The following LMBR1 variants were observed in gnomAD, a reference collection of about 807,000 sequenced individuals.
LMBR1 encodes the protein limb region 1 protein homolog.
Under a neutral mutation model 73.9 loss-of-function variants are expected in LMBR1, and 52 were observed. The ratio of observed to expected loss-of-function variants is 0.70; its 90% CI spans 0.56 to 0.89. The LOEUF is 0.89. Ranked by LOEUF, LMBR1 falls within the 40% of genes least tolerant of loss-of-function variation. LMBR1 has a pLI of 0.00. For missense variants in LMBR1, 539 were observed against 579.8 expected, an observed-to-expected ratio of 0.93 and a Z score of 0.72; for synonymous variants, 215 against 209.4, an observed-to-expected ratio of 1.03 and a Z score of -0.23.
chr7:156,725,170 A>G lies in LMBR1; in HGVS notation c.1158+265T>C, dbSNP rs373346417. On this transcript the variant is annotated intron_variant, in intron 14 of 16. Coordinates refer to ENST00000353442, the MANE Select transcript of LMBR1 (RefSeq NM_022458.4). Reference sequence around the variant, plus strand: ...TTAGCAATACGTTTTCTTTAGAGGAAAAAGAGTCCTTTCAGGAGCCTTCTA... The same window carrying G: ...TTAGCAATACGTTTTCTTTAGAGGAGAAAGAGTCCTTTCAGGAGCCTTCTA... Among the ~76,000 whole-genome samples, 91 of 152,314 alleles carry G rather than the reference A, an allele frequency of 6.0e-4. 1 individual carries two copies. In the South Asian group the frequency reaches 0.018, roughly 30 times the overall value.
At chr7:156,825,124 A>ATATT (rs1563459890) in intron 4 of LMBR1, among the ~76,000 whole-genome samples, 2 of 151,738 alleles carry the variant, frequency 1.3e-5, no homozygotes, top group African/African-American at 4.8e-5. Flanking sequence ...TCTGATATAT[A>ATATT]TTTAAGTCAA....
intron 1 of LMBR1, among the ~76,000 whole-genome samples, chr7:156,853,256 T>C (rs1174933172): frequency 6.6e-6 from 1 of 152,154 alleles, no homozygotes; most frequent in Non-Finnish European, 1.5e-5. Context: ...CTTCATTTTT[T>C]ATTGTAAGTT....
rs1805393865 is a variant in LMBR1, at chr7:156,683,444, C to A, written c.*634G>T. On this transcript the variant is annotated 3_prime_UTR_variant, in exon 17 of 17. Transcript: ENST00000353442. ...ATATTCCTGTGGCTCTCTAAGGCTC[C>A]AGGTTTAAAAGAATTTAGTATTTTC... is the stretch of plus-strand genomic sequence containing the variant. The A allele has an allele frequency of 6.6e-6, 1 of 152,570 alleles. No individual in the cohort carries two copies. Among genetic ancestry groups the A allele is most frequent in the South Asian group, 2.1e-4 (1 of 4,828 alleles). The allele number at this position is 152,570 out of a possible 1,614,324, so 9.5% of individuals were successfully genotyped here. A position where few individuals can be genotyped will look rare whatever the true frequency, so the allele number is the denominator to read the frequency against.
At chr7:156,844,646 C>G (rs370077710) in intron 1 of LMBR1, among the ~76,000 whole-genome samples, 1 of 150,406 alleles carries the variant, frequency 6.6e-6, no homozygotes, top group African/African-American at 2.4e-5. Flanking sequence ...GGGCTCTATT[C>G]TGGCATCTTG....
At chr7:156,818,446 G>A (rs1330708830) in intron 4 of LMBR1, among the ~76,000 whole-genome samples, 2 of 152,040 alleles carry the variant, frequency 1.3e-5, no homozygotes, top group African/African-American at 4.8e-5. Flanking sequence ...GCCAAAATTG[G>A]GCCCCACTGG....
At chr7:156,871,155 A>G (rs1382081773) in intron 1 of LMBR1, among the ~76,000 whole-genome samples, 7 of 152,184 alleles carry the variant, frequency 4.6e-5, no homozygotes, top group African/African-American at 1.7e-4. Flanking sequence ...AGACTACTAA[A>G]AACAGCCATA....
downstream of LMBR1, chr7:156,676,109 T>C: frequency 2.4e-6 from 2 of 818,884 alleles, no homozygotes; most frequent in Non-Finnish European, 3.7e-6. Context: ...GTGGTAGGAC[T>C]TTCCTCATGG....
chr7:156,837,790 T>G (rs1837928982), intron 1 of LMBR1, among the ~76,000 whole-genome samples: 1 of 150,736 alleles, frequency 6.6e-6, no homozygotes, highest in South Asian at 2.1e-4. Flanking sequence ...ATTTTGCTTT[T>G]TTTTTTTTTT....
rs1341592475 is a variant in LMBR1, at chr7:156,856,348, A to C, written c.67-19463T>G. 2.0e-5 allele frequency among the ~76,000 whole-genome samples: 3 copies of C among 152,202 alleles called. No homozygotes were observed. In the East Asian group the frequency reaches 5.8e-4, roughly 29 times the overall value. On this transcript the variant is annotated intron_variant, in intron 1 of 16. Coordinates refer to ENST00000353442, the MANE Select transcript of LMBR1 (RefSeq NM_022458.4). ...TTTTTACTGGAGGCACAGGTGGCTT[A>C]GCAAGAAATTTTAAAAGATCTTCAT...
intron 15 of LMBR1, among the ~76,000 whole-genome samples, chr7:156,697,648 A>T (rs1375678255): frequency 1.3e-5 from 2 of 152,236 alleles, no homozygotes; most frequent in Non-Finnish European, 2.9e-5. Context: ...TCTCTGCAAG[A>T]AGAAAAACAT....
chr7:156,728,542 T>C, intron 11 of LMBR1, 102 bp downstream of exon 11: 2 of 757,266 alleles, frequency 2.6e-6, no homozygotes, highest in Non-Finnish European at 4.3e-6. Flanking sequence ...GATAGAAAAC[T>C]AGTTTATGAA....
chr7:156,855,667 A>C (rs1242919589), intron 1 of LMBR1, among the ~76,000 whole-genome samples: 1 of 31,664 alleles, frequency 3.2e-5, no homozygotes, highest in South Asian at 7.8e-4. Context: ...ACGTAAATAC[A>C]AAAAAAAAAA....
intron 1 of LMBR1, among the ~76,000 whole-genome samples, chr7:156,863,879 G>A (rs963270055): frequency 2.0e-5 from 3 of 152,142 alleles, no homozygotes; most frequent in East Asian, 1.9e-4. Flanking sequence ...ACCAGGCGTG[G>A]TAGCTCACAC....
In LMBR1 at chr7:156,756,501, G is replaced by A. The variant is rs17571054; in HGVS notation, c.685-36C>T. 76,028 of 986,038 alleles carry A rather than the reference G, an allele frequency of 0.077. 3,566 individuals are homozygous for A. Among genetic ancestry groups the A allele is most frequent in the Non-Finnish European group, 0.094 (59,870 of 634,968 alleles). The allele number at this position is 986,038 out of a possible 1,614,324, so 61.1% of individuals were successfully genotyped here. A position where few individuals can be genotyped will look rare whatever the true frequency, so the allele number is the denominator to read the frequency against. ...AGATAAAACTATTCAATAATTCAAC[G>A]TTATAAAACGAATGCTTATGAGACC... On this transcript the variant is annotated intron_variant, in intron 8 of 16. Transcript: ENST00000353442.
In LMBR1 at chr7:156,796,372, A is replaced by G. The variant is rs758943412; in HGVS notation, c.423+17T>C. ...TCCTCACTTAACCAATTTAATTCCA[A>G]TACTAGATTCACTTACCTTTTTCAG... On this transcript the variant is annotated intron_variant, in intron 5 of 16. Coordinates refer to ENST00000353442, the MANE Select transcript of LMBR1 (RefSeq NM_022458.4). 21 of 1,542,748 alleles carry G rather than the reference A, an allele frequency of 1.4e-5. No homozygotes were observed. The highest frequency in any genetic ancestry group is 1.6e-5 in the Non-Finnish European group (18 of 1,129,468).
At chr7:156,866,915 T>C (rs1798551904) in intron 1 of LMBR1, among the ~76,000 whole-genome samples, 2 of 152,332 alleles carry the variant, frequency 1.3e-5, no homozygotes, top group African/African-American at 4.8e-5. Flanking sequence ...TATGAGTTTT[T>C]AGAAGATCCT....
intron 5 of LMBR1, among the ~76,000 whole-genome samples, chr7:156,776,378 CA>C (rs1419353309): frequency 7.2e-5 from 11 of 152,122 alleles, no homozygotes; most frequent in Non-Finnish European, 1.3e-4. Context: ...ACCTGGTTCA[CA>C]AGTACTTCTT....
intron 4 of LMBR1, among the ~76,000 whole-genome samples, chr7:156,812,965 T>C (rs898184495): frequency 6.6e-6 from 1 of 152,208 alleles, no homozygotes; most frequent in African/African-American, 2.4e-5. Context: ...CTGGGGATTA[T>C]TGTCCTTCTT....
chr7:156,781,644 TAA>T (rs1283148707), intron 5 of LMBR1, among the ~76,000 whole-genome samples: 1 of 152,198 alleles, frequency 6.6e-6, no homozygotes, highest in Non-Finnish European at 1.5e-5. Flanking sequence ...TATTTTAAAA[TAA>T]AAGTTTACTA....
Sources: gnomAD v4.1 joint callset for allele counts (sites outside exome capture counted in the v4.1 genomes callset) on GRCh38, gnomAD v4.1.1 for gene constraint, MANE v1.5 for transcripts, NCBI Gene and HGNC (gene_info 2026-07-23, HGNC 2026-07-21) for gene names.